R3HDM2: variants seen among roughly 807,000 people sequenced by gnomAD.
R3HDM2 encodes R3H domain containing 2, also known as R3H domain-containing protein 2.
In R3HDM2, 38 loss-of-function variants were observed where a neutral mutation model predicts 124.5. The observed-to-expected ratio is 0.31, with a 90% CI of 0.24 to 0.40. The LOEUF is 0.40. Among genes scored for constraint, R3HDM2 ranks in the 10% least tolerant of loss-of-function variants. R3HDM2 has a pLI of 1.00. For missense variants in R3HDM2, 869 were observed against 1,236.9 expected (o/e 0.70, Z 4.46); for synonymous variants, 391 against 448.0 (o/e 0.87, Z 1.61).
At chr12:57,429,468 A>G (rs533818108) in intron 1 of R3HDM2, among the ~76,000 whole-genome samples, 1 of 152,192 alleles carries the variant, frequency 6.6e-6, no homozygotes, top group African/African-American at 2.4e-5. Flanking sequence ...CGGTGGCTCA[A>G]GCCTACCACT....
At chr12:57,334,041 A>C (rs1245944672) in intron 2 of R3HDM2, among the ~76,000 whole-genome samples, 1 of 152,068 alleles carries the variant, frequency 6.6e-6, no homozygotes, top group Non-Finnish European at 1.5e-5. Context: ...CGTCTCAAAA[A>C]AAAAAAAGAA....
At position 57,268,368 on chromosome 12, in the gene R3HDM2, G is replaced by A. The variant is rs1434925554; in HGVS notation, c.1965C>T (p.Gly655=). 6 of 1,614,102 alleles carry A rather than the reference G, an allele frequency of 3.7e-6. No homozygotes were observed. Among genetic ancestry groups the A allele is most frequent in the East Asian group, 2.2e-5 (1 of 44,882 alleles). ...LVPVSQSVQG[G]LPAAGVPVYY... The stretch of plus-strand genomic sequence containing the variant: ...ACACTGGTACCCCCGCTGCTGGGAG[G>A]CCTCCTTGCACAGACTGGCTCACAG... Residue 655 remains glycine (G), a synonymous_variant, in exon 18 of 24, where the codon GGC becomes GGT. Transcript: ENST00000402412.
intron 2 of R3HDM2, among the ~76,000 whole-genome samples, chr12:57,351,661 A>C (rs1196690715): frequency 6.6e-6 from 1 of 152,202 alleles, no homozygotes; most frequent in Non-Finnish European, 1.5e-5. Flanking sequence ...CTACTACTCT[A>C]CCTGTTTGAA....
At chr12:57,261,757 C>CAAAAAA (rs35440132) in intron 19 of R3HDM2, among the ~76,000 whole-genome samples, 1 of 82,000 alleles carries the variant, frequency 1.2e-5, no homozygotes, top group Non-Finnish European at 2.3e-5. Context: ...ATAGACGTGG[C>CAAAAAA]AAAAAAAAAA....
chr12:57,288,782 C>T (rs972583968), intron 12 of R3HDM2: 8 of 1,304,432 alleles, frequency 6.1e-6, no homozygotes, highest in African/African-American at 1.5e-5. Context: ...AGCAAACCCA[C>T]TCTGCTGAAA....
chr12:57,374,596 T>C (rs1439363725), intron 2 of R3HDM2, among the ~76,000 whole-genome samples: 1 of 140,886 alleles, frequency 7.1e-6, no homozygotes, highest in African/African-American at 2.7e-5. Flanking sequence ...GGCAGGAGAA[T>C]TACTTGAACC....
In R3HDM2 at chr12:57,269,655, G is replaced by T. The variant is rs931679609; in HGVS notation, c.1587+97C>A. On this transcript the variant is annotated intron_variant, in intron 15 of 23. Coordinates refer to ENST00000402412, the MANE Select transcript of R3HDM2 (RefSeq NM_001394031.1). ...ACTCTCAAGTGCAAGGTAGGGAGAG[G>T]TATTCCCTCTGGTCTGTCTAAACTG... is the stretch of plus-strand genomic sequence containing the variant. 2.6e-6 allele frequency: 4 copies of T among 1,534,136 alleles called. No individual in the cohort carries two copies. In the African/African-American group the frequency reaches 5.5e-5, roughly 21 times the overall value.
intron 3 of R3HDM2, among the ~76,000 whole-genome samples, chr12:57,306,121 T>A (rs2052517472): frequency 6.6e-6 from 1 of 152,156 alleles, no homozygotes; most frequent in Admixed American, 6.5e-5. Flanking sequence ...AAAAGCATGC[T>A]TTCCCCAAAT....
At chr12:57,286,124 G>A (rs2047277542) in intron 12 of R3HDM2, among the ~76,000 whole-genome samples, 1 of 152,212 alleles carries the variant, frequency 6.6e-6, no homozygotes, top group African/African-American at 2.4e-5. Flanking sequence ...CGGGTTGTGT[G>A]TATGTTGGAG....
intron 2 of R3HDM2, among the ~76,000 whole-genome samples, chr12:57,322,504 T>G (rs1300429565): frequency 6.6e-6 from 1 of 152,212 alleles, no homozygotes; most frequent in African/African-American, 2.4e-5. Context: ...TGGTGCTTTA[T>G]GTACTTCAAC....
Position 57,310,360 on chromosome 12 carries a change from T to C in R3HDM2, c.69A>G (p.Glu23=). Residue 23 remains glutamate (E), a synonymous_variant, in exon 3 of 24, where the codon GAA becomes GAG. Transcript: ENST00000402412. Reference sequence around the variant, plus strand: ...TAAACTTGTTTTTGTTTACAGATTCTTCCACCAGTTTTTTTTCTGATTCTT... The same window carrying C: ...TAAACTTGTTTTTGTTTACAGATTCCTCCACCAGTTTTTTTTCTGATTCTT... ...IMKESEKKLV[E]ESVNKNKFIS... 1 of 1,548,962 alleles carries C rather than the reference T, an allele frequency of 6.5e-7. No homozygotes were observed. The highest frequency in any genetic ancestry group is 8.7e-7 in the Non-Finnish European group (1 of 1,145,228).
chr12:57,290,832 G>A (rs186127076), intron 11 of R3HDM2, among the ~76,000 whole-genome samples: 5 of 152,110 alleles, frequency 3.3e-5, no homozygotes, highest in Admixed American at 2.0e-4. Context: ...GGTTGGTCTC[G>A]AACTCCCGAG....
chr12:57,380,854 G>A (rs2064765804), intron 2 of R3HDM2, among the ~76,000 whole-genome samples: 1 of 152,184 alleles, frequency 6.6e-6, no homozygotes, highest in African/African-American at 2.4e-5. Context: ...GCCTCAAGGT[G>A]TGTAATTACT....
chr12:57,279,354 TG>T (rs2045620891), intron 14 of R3HDM2, among the ~76,000 whole-genome samples: 1 of 151,354 alleles, frequency 6.6e-6, no homozygotes, highest in African/African-American at 2.4e-5. Flanking sequence ...GGCTAATTTT[TG>T]TATTTTTAGT....
chr12:57,318,002 A>AAAAT (rs71280722), intron 2 of R3HDM2, among the ~76,000 whole-genome samples: 1 of 150,712 alleles, frequency 6.6e-6, no homozygotes, highest in Non-Finnish European at 1.5e-5. Context: ...AAAAAAAAAA[A>AAAAT]GGAATGGCTG....
At chr12:57,358,712 T>C (rs1373788888) in intron 2 of R3HDM2, among the ~76,000 whole-genome samples, 2 of 152,118 alleles carry the variant, frequency 1.3e-5, no homozygotes, top group Non-Finnish European at 2.9e-5. Context: ...TCTATTTTAG[T>C]AAACATTCTA....
chr12:57,325,043 G>A (rs2057099103), intron 2 of R3HDM2, among the ~76,000 whole-genome samples: 2 of 152,168 alleles, frequency 1.3e-5, no homozygotes, highest in African/African-American at 4.8e-5. Context: ...AGCCACAGAG[G>A]CTTCAAGAGA....
chr12:57,280,280 G>A, intron 14 of R3HDM2, 78 bp downstream of exon 14: 3 of 1,443,856 alleles, frequency 2.1e-6, no homozygotes, highest in Middle Eastern at 2.4e-4. Flanking sequence ...GCCACCCACA[G>A]CACAAGAGAC....
At chr12:57,281,327 A>G (rs1311727157) in intron 13 of R3HDM2, among the ~76,000 whole-genome samples, 1 of 151,884 alleles carries the variant, frequency 6.6e-6, no homozygotes, top group African/African-American at 2.4e-5. Context: ...GAAAACTTCA[A>G]GCATACACAT....
Sources: allele counts gnomAD v4.1 joint callset (sites outside exome capture counted in the v4.1 genomes callset), GRCh38; gene constraint gnomAD v4.1.1; transcripts MANE v1.5; gene names NCBI Gene and HGNC (gene_info 2026-07-23, HGNC 2026-07-21).